Variants in CASS4 observed in about 807,000 individuals in gnomAD.
CASS4 encodes Cas scaffold protein family member 4.
CASS4 carries 22 observed loss-of-function variants against 54.2 expected under a neutral mutation model. The ratio of observed to expected loss-of-function variants is 0.41; its 90% CI spans 0.29 to 0.58. CASS4 has a LOEUF of 0.58. Ranked by LOEUF, CASS4 falls within the 20% of genes least tolerant of loss-of-function variation. The probability of loss-of-function intolerance (pLI) is 0.36; values close to 1 mark genes in which losing one functional copy is unlikely to be tolerated. For missense variants in CASS4, 854 were observed against 986.7 expected, an observed-to-expected ratio of 0.87 and a Z score of 1.80; for synonymous variants, 409 against 391.5, an observed-to-expected ratio of 1.04 and a Z score of -0.53.
intron 3 of CASS4, among the ~76,000 whole-genome samples, chr20:56,450,212 A>C (rs1040549364): frequency 2.6e-5 from 4 of 152,014 alleles, no homozygotes; most frequent in Non-Finnish European, 5.9e-5. Flanking sequence ...TGTATTTTTA[A>C]TAGAGTTCTC....
At chr20:56,441,662 C>T (rs940070508) in intron 2 of CASS4, among the ~76,000 whole-genome samples, 2 of 152,048 alleles carry the variant, frequency 1.3e-5, no homozygotes, top group African/African-American at 4.8e-5. Context: ...AGTCTCTTAG[C>T]AAGAGATGTG....
At chr20:56,416,454 C>G (rs1979141128) in intron 1 of CASS4, among the ~76,000 whole-genome samples, 1 of 152,024 alleles carries the variant, frequency 6.6e-6, no homozygotes, top group African/African-American at 2.4e-5. Flanking sequence ...TTTCAAGATG[C>G]CTTAGTTACG....
Position 56,424,322 on chromosome 20 carries a change from C to G in CASS4, c.36+11828C>G, listed in dbSNP as rs955218540. ...TACCTGCAAATTCTTAAAGCAAGTT[C>G]TGGTTATGAAATATACCATTTTGCT... On this transcript the variant is annotated intron_variant, in intron 1 of 5. Transcript: ENST00000679887. 3.3e-4 allele frequency among the ~76,000 whole-genome samples: 50 copies of G among 152,182 alleles called. 1 individual carries two copies. The highest frequency in any genetic ancestry group is 1.3e-4 in the Non-Finnish European group (9 of 68,034).
chr20:56,423,457 C>G (rs1217401591), intron 1 of CASS4, among the ~76,000 whole-genome samples: 1 of 151,474 alleles, frequency 6.6e-6, no homozygotes, highest in Non-Finnish European at 1.5e-5. Context: ...GTTTTGAAAC[C>G]AAAAAGGGAG....
chr20:56,440,282 C>T (rs370837602), intron 2 of CASS4, among the ~76,000 whole-genome samples: 3 of 152,218 alleles, frequency 2.0e-5, no homozygotes, highest in East Asian at 3.8e-4. Context: ...GAGCAGCTGA[C>T]TCGGAGCAGA....
chr20:56,426,622 C>A (rs1284192502), intron 1 of CASS4, among the ~76,000 whole-genome samples: 1 of 152,026 alleles, frequency 6.6e-6, no homozygotes, highest in Non-Finnish European at 1.5e-5. Flanking sequence ...GTCTTCCAGG[C>A]TGGAGAGCAG....
rs116425344 is a variant in CASS4, at chr20:56,425,969, G to A, written c.37-11195G>A. Among the ~76,000 whole-genome samples, 419 of 152,262 alleles carry A rather than the reference G, an allele frequency of 2.8e-3. 2 individuals carry two copies. Among genetic ancestry groups the A allele is most frequent in the African/African-American group, 8.6e-3 (356 of 41,542 alleles). On this transcript the variant is annotated intron_variant, in intron 1 of 5. Transcript: ENST00000679887. ...AATACTACATTTTGGAGATTGTCCC[G>A]TTTCCATTGACATAAGCTCTACCTC...
intron 3 of CASS4, among the ~76,000 whole-genome samples, chr20:56,447,686 G>A (rs1468248359): frequency 6.6e-6 from 1 of 152,162 alleles, no homozygotes; most frequent in East Asian, 1.9e-4. Context: ...TAGCTCTGGG[G>A]CAGGCAGGTC....
chr20:56,458,681 G>T lies in CASS4; in HGVS notation c.2295G>T (p.Gly765=). ...VLTYPSPAAL[G]HLQAEAEKLE... Reference sequence around the variant, plus strand: ...CGTACCCCAGCCCTGCCGCGCTGGGGCACCTCCAGGCGGAGGCTGAGAAGC... The same window carrying T: ...CGTACCCCAGCCCTGCCGCGCTGGGTCACCTCCAGGCGGAGGCTGAGAAGC... The change falls in exon 6 of 6, where the codon GGG becomes GGT. Residue 765 remains glycine (G), a synonymous_variant. Transcript: ENST00000679887. The T allele has an allele frequency of 1.9e-6, 3 of 1,612,648 alleles. No individual in the cohort carries two copies. Among genetic ancestry groups the T allele is most frequent in the Non-Finnish European group, 2.5e-6 (3 of 1,179,632 alleles).
chr20:56,421,200 A>G (rs1188276390), intron 1 of CASS4, among the ~76,000 whole-genome samples: 1 of 152,238 alleles, frequency 6.6e-6, no homozygotes, highest in African/African-American at 2.4e-5. Context: ...GGTGCACAGA[A>G]CAGTTTTTGT....
intron 5 of CASS4, among the ~76,000 whole-genome samples, chr20:56,455,949 AAAAC>A (rs937912885): frequency 3.0e-4 from 45 of 151,376 alleles, no homozygotes; most frequent in Admixed American, 1.8e-3. Context: ...CAAACAAACA[AAAAC>A]AAACAAACTT....
chr20:56,447,654 C>T (rs1980783482), intron 3 of CASS4, among the ~76,000 whole-genome samples: 1 of 152,230 alleles, frequency 6.6e-6, no homozygotes, highest in Non-Finnish European at 1.5e-5. Flanking sequence ...AATGCATCTC[C>T]TCTGGCTGCT....
chr20:56,456,085 G>GA (rs1175011552), intron 5 of CASS4, among the ~76,000 whole-genome samples: 4 of 87,566 alleles, frequency 4.6e-5, no homozygotes, highest in Non-Finnish European at 8.7e-5. Context: ...ACCTCACTTG[G>GA]AAAGCCCCCG....
chr20:56,421,887 C>T (rs1979429256), intron 1 of CASS4, among the ~76,000 whole-genome samples: 1 of 152,092 alleles, frequency 6.6e-6, no homozygotes, highest in Non-Finnish European at 1.5e-5. Flanking sequence ...AGAAAAGCAC[C>T]TGCATGTTAT....
At chr20:56,415,287 ACAG>A (rs1979075675) in intron 1 of CASS4, among the ~76,000 whole-genome samples, 1 of 152,190 alleles carries the variant, frequency 6.6e-6, no homozygotes, top group Admixed American at 6.5e-5. Flanking sequence ...GATTTGGTCC[ACAG>A]GCCCTTGTGT....
At position 56,437,417 on chromosome 20, in the gene CASS4, C is replaced by T; in HGVS notation, c.290C>T (p.Thr97Ile). ...GAAGCTCCTGCCAGCTCAGAGGAGA[C>T]CTATCAGGTGCCCACTCTACCCCGC... ...LEEAPASSEE[T>I]YQVPTLPRPP... is the part of the protein sequence containing the mutation. Residue 97 changes from threonine (T) to isoleucine (I), a missense_variant, in exon 2 of 6, where the codon ACC becomes ATC. By Grantham distance (89) the Thr-to-Ile change is moderately conservative. Transcript: ENST00000679887. This position sits in a 1 kb window ranked among gnomAD's most constrained non-coding sequence, Gnocchi z 4.7. The T allele has an allele frequency of 6.2e-7, 1 of 1,614,038 alleles. No homozygotes were observed. The highest frequency in any genetic ancestry group is 8.5e-7 in the Non-Finnish European group (1 of 1,179,928).
At position 56,452,590 on chromosome 20, in the gene CASS4, C is replaced by G. The variant is rs1758078703; in HGVS notation, c.1414C>G (p.Leu472Val). 6.2e-7 allele frequency: 1 copy of G among 1,614,162 alleles called. No individual in the cohort carries two copies. Among genetic ancestry groups the G allele is most frequent in the Non-Finnish European group, 8.5e-7 (1 of 1,180,032 alleles). ...CAGGAAGTGGAGATTCCGAGACTATCTGGAGGCCAACATTGATGCAATCCA... is the reference window on the plus strand; with the variant it reads ...CAGGAAGTGGAGATTCCGAGACTATGTGGAGGCCAACATTGATGCAATCCA... ...VSRKWRFRDY[L>V]EANIDAIHRS... Residue 472 changes from leucine to valine, a missense_variant, in exon 5 of 6, where the codon CTG (leucine) becomes GTG (valine). Coordinates refer to ENST00000679887, the MANE Select transcript of CASS4 (RefSeq NM_020356.4).
At position 56,456,999 on chromosome 20, in the gene CASS4, T is replaced by C. The variant is rs148725876; in HGVS notation, c.1954-1341T>C. 3.9e-5 allele frequency among the ~76,000 whole-genome samples: 6 copies of C among 152,352 alleles called. No individual in the cohort carries two copies. In the East Asian group the frequency reaches 9.6e-4, roughly 24 times the overall value. ...CTGCACTCAACCTGCTTCATTCTTA[T>C]ACTCCCTGCTTCCAAGAGTCCATGT... On this transcript the variant is annotated intron_variant, in intron 5 of 5. Transcript: ENST00000679887.
At chr20:56,445,761 C>A in intron 2 of CASS4, 139 bp from the exon 3 acceptor site, 1 of 604,214 alleles carries the variant, frequency 1.7e-6, no homozygotes. Context: ...GAGTGAAGAG[C>A]CTGCCAGCGG....
Sources: allele counts gnomAD v4.1 joint callset (sites outside exome capture counted in the v4.1 genomes callset), GRCh38; gene constraint gnomAD v4.1.1; non-coding constraint Gnocchi (gnomAD v3.1); transcripts MANE v1.5; gene names NCBI Gene and HGNC (gene_info 2026-07-23, HGNC 2026-07-21).